The following LBP variants were observed in gnomAD, a reference collection of about 807,000 sequenced individuals.
LBP encodes the protein lipopolysaccharide binding protein, also known as lipopolysaccharide-binding protein.
LBP carries 53 observed loss-of-function variants against 56.6 expected under a neutral mutation model. That is an observed-to-expected ratio of 0.94 (90% CI 0.75 to 1.18). LBP has a LOEUF of 1.18. Ranked by LOEUF, LBP falls within the 50% of genes most tolerant of loss-of-function variation. The pLI is 0.00. For missense variants in LBP, 601 were observed against 598.3 expected (o/e 1.00, Z -0.05); for synonymous variants, 227 against 247.5 (o/e 0.92, Z 0.78).
intron 1 of LBP, among the ~76,000 whole-genome samples, chr20:38,348,655 G>A (rs186411611): frequency 6.6e-6 from 1 of 152,174 alleles, no homozygotes; most frequent in East Asian, 1.9e-4. Flanking sequence ...TTTACTGAGT[G>A]CCTGCTGTGT....
At chr20:38,374,131 G>A in intron 14 of LBP, 118 bp downstream of exon 14, 1 of 1,037,390 alleles carries the variant, frequency 9.6e-7, no homozygotes. Context: ...GGAAAGTCTG[G>A]CCAGGGGCAG....
intron 8 of LBP, among the ~76,000 whole-genome samples, chr20:38,365,025 A>G (rs552106667): frequency 6.6e-6 from 1 of 152,296 alleles, no homozygotes; most frequent in African/African-American, 2.4e-5. Flanking sequence ...ACTTGAGGTC[A>G]GGAGCTTGAG....
At chr20:38,362,169 C>T (rs1026340123) in intron 6 of LBP, among the ~76,000 whole-genome samples, 5 of 150,876 alleles carry the variant, frequency 3.3e-5, no homozygotes, top group African/African-American at 1.2e-4. Context: ...CGCCATTCTC[C>T]TGTCTCAGCC....
At chr20:38,351,641 G>T (rs939236562) in intron 3 of LBP, among the ~76,000 whole-genome samples, 3 of 152,130 alleles carry the variant, frequency 2.0e-5, no homozygotes, top group African/African-American at 7.2e-5. Context: ...GGCAGGCCTG[G>T]TTTCTTCTGA....
Position 38,373,119 on chromosome 20 carries a change from C to G in LBP, c.1308C>G (p.Phe436Leu). The G allele has an allele frequency of 6.2e-7, 1 of 1,613,646 alleles. No homozygotes were observed. Among genetic ancestry groups the G allele is most frequent in the Non-Finnish European group, 8.5e-7 (1 of 1,179,494 alleles). Residue 436 changes from phenylalanine to leucine, a missense_variant, in exon 13 of 15, where the codon TTC becomes TTG. Phe to Leu is a conservative substitution (Grantham distance 22). Coordinates refer to ENST00000217407, the MANE Select transcript of LBP (RefSeq NM_004139.5). ...ALLNYYILNTFYPKFNDKLAE... is the reference protein window; with the variant it reads ...ALLNYYILNTLYPKFNDKLAE... The stretch of plus-strand genomic sequence containing the variant: ...TCAACTATTACATCCTTAACACCTT[C>G]TACCCCAAGTTCAATGGTAAGAATC...
chr20:38,364,518 A>G, intron 7 of LBP, 58 bp from the exon 8 acceptor site: 3 of 1,528,326 alleles, frequency 2.0e-6, no homozygotes. Context: ...GGGAATACCT[A>G]GCCCCTGCCC....
At chr20:38,367,879 T>C (rs771596366) in intron 9 of LBP, among the ~76,000 whole-genome samples, 3 of 152,122 alleles carry the variant, frequency 2.0e-5, no homozygotes, top group South Asian at 2.1e-4. Context: ...ACACAGAAAA[T>C]TAAGAGCACT....
At position 38,350,903 on chromosome 20, in the gene LBP, G is replaced by A. The variant is rs2232583; in HGVS notation, c.332G>A (p.Arg111Gln). ...LSLSISDSSI[R>Q]VQGRWKVRKS... Reference sequence around the variant, plus strand: ...CTCAGCATCTCCGACTCCTCCATCCGGGTCCAGGGCAGGTGGAAGGTGCGC... The same window carrying A: ...CTCAGCATCTCCGACTCCTCCATCCAGGTCCAGGGCAGGTGGAAGGTGCGC... The change falls in exon 3 of 15, where the codon CGG becomes CAG. Residue 111 changes from arginine (R) to glutamine (Q), a missense_variant. Arg to Gln is a conservative substitution (Grantham distance 43). Transcript: ENST00000217407. The A allele has an allele frequency of 2.9e-5, 47 of 1,614,020 alleles. No individual in the cohort carries two copies. The highest frequency in any genetic ancestry group is 2.8e-4 in the African/African-American group (21 of 75,064).
intron 1 of LBP, among the ~76,000 whole-genome samples, chr20:38,348,805 T>TTTGTC (rs2076810434): frequency 6.6e-6 from 1 of 151,944 alleles, no homozygotes; most frequent in Non-Finnish European, 1.5e-5. Context: ...TTTGTTTTGT[T>TTTGTC]TTGTTTGAGA....
chr20:38,370,737 G>A lies in LBP; in HGVS notation c.1150-1G>A. ...CTGCTTCCTTCTTCTGGCATTTCCA[G>A]GCCACTAATGTGTCCGCCACCTTGA... On this transcript the variant is annotated splice_acceptor_variant, in intron 10 of 14. Transcript: ENST00000217407. LOFTEE classifies it high-confidence loss of function. The A allele has an allele frequency of 3.1e-6, 5 of 1,613,810 alleles. No homozygotes were observed. Among genetic ancestry groups the A allele is most frequent in the Non-Finnish European group, 4.2e-6 (5 of 1,179,812 alleles).
intron 8 of LBP, among the ~76,000 whole-genome samples, chr20:38,365,050 C>T (rs1312804679): frequency 6.6e-6 from 1 of 151,928 alleles, no homozygotes; most frequent in Non-Finnish European, 1.5e-5. Context: ...GCCTGGCCAA[C>T]ATGGCAAAAA....
chr20:38,367,505 G>T (rs533096362), intron 9 of LBP, among the ~76,000 whole-genome samples: 3 of 152,208 alleles, frequency 2.0e-5, no homozygotes, highest in East Asian at 3.9e-4. Flanking sequence ...AATTCTCAAG[G>T]TTCAACATTC....
intron 5 of LBP, among the ~76,000 whole-genome samples, chr20:38,356,418 GCGCACACACACACACA>G (rs1405830485): frequency 0.15 from 7,198 of 48,658 alleles, 263 homozygotes; most frequent in South Asian, 0.31. Flanking sequence ...CCACACACAC[GCGCACACACACACACA>G]CACACACACA....
intron 5 of LBP, among the ~76,000 whole-genome samples, chr20:38,360,115 G>C (rs904980565): frequency 7.9e-5 from 12 of 152,126 alleles, no homozygotes; most frequent in Non-Finnish European, 1.6e-4. Context: ...AGCTGGGCGT[G>C]GTGGCACATG....
intron 10 of LBP, 38 bp downstream of exon 10, chr20:38,369,200 C>T: frequency 6.4e-7 from 1 of 1,571,140 alleles, no homozygotes; most frequent in Non-Finnish European, 8.6e-7. Context: ...GTTTCCTTTT[C>T]CCCACATGCT....
In LBP at chr20:38,369,875, A is replaced by G. The variant is rs151059679; in HGVS notation, c.1149+713A>G. Among the ~76,000 whole-genome samples, 496 of 152,014 alleles carry G rather than the reference A, an allele frequency of 3.3e-3. 5 individuals carry two copies. Among genetic ancestry groups the G allele is most frequent in the South Asian group, 0.011 (51 of 4,812 alleles). On this transcript the variant is annotated intron_variant, in intron 10 of 14. Coordinates refer to ENST00000217407, the MANE Select transcript of LBP (RefSeq NM_004139.5). Reference sequence around the variant, plus strand: ...ATTGAGAGTCAGTTTTCCTTTTTTGATGGACTCTGTCTAATAGGGAAGGGA... The same window carrying G: ...ATTGAGAGTCAGTTTTCCTTTTTTGGTGGACTCTGTCTAATAGGGAAGGGA...
chr20:38,352,311 T>A (rs1046104659), intron 3 of LBP, among the ~76,000 whole-genome samples: 6 of 152,208 alleles, frequency 3.9e-5, no homozygotes, highest in African/African-American at 1.4e-4. Context: ...GATATGACCA[T>A]ATTTATACTT....
In LBP at chr20:38,354,379, C is replaced by G. The variant is rs140791140; in HGVS notation, c.464C>G (p.Thr155Ser). The G allele has an allele frequency of 2.9e-3, 4,675 of 1,613,528 alleles. 9 individuals are homozygous for G. Among genetic ancestry groups the G allele is most frequent in the Non-Finnish European group, 3.5e-3 (4,142 of 1,179,894 alleles). Residue 155 changes from threonine to serine, a missense_variant, in exon 4 of 15, where the codon ACT becomes AGT. Physicochemically the swap from Thr to Ser is moderately conservative, Grantham distance 58. Coordinates refer to ENST00000217407, the MANE Select transcript of LBP (RefSeq NM_004139.5). Reference protein sequence around the residue: ...GSESSGRPTVTASSCSSDIAD... With the variant: ...GSESSGRPTVSASSCSSDIAD... ...GAGTCCTCCGGGAGGCCCACAGTTA[C>G]TGCCTCCAGCTGCAGCAGTGACATC...
Position 38,354,439 on chromosome 20 carries a change from G to A in LBP, c.524G>A (p.Gly175Glu), listed in dbSNP as rs757769241. The stretch of plus-strand genomic sequence containing the variant: ...GAGGTGGACATGTCGGGAGACTTGG[G>A]GTAGGTCTCCATCGGGGCACTGCCA... ...DVEVDMSGDL[G>E]WLLNLFHNQI... Residue 175 changes from glycine to glutamate, a missense_variant and splice_region_variant, in exon 4 of 15, where the codon GGG (glycine) becomes GAG (glutamate). Coordinates refer to ENST00000217407, the MANE Select transcript of LBP (RefSeq NM_004139.5). The A allele has an allele frequency of 1.4e-5, 23 of 1,609,078 alleles. No individual in the cohort carries two copies.
Sources: allele counts gnomAD v4.1 joint callset (sites outside exome capture counted in the v4.1 genomes callset), GRCh38; gene constraint gnomAD v4.1.1; transcripts MANE v1.5; gene names NCBI Gene and HGNC (gene_info 2026-07-23, HGNC 2026-07-21).